Variants in MAP6 observed in about 807,000 individuals in gnomAD.
MAP6 encodes the protein microtubule-associated protein 6.
In MAP6, 26 loss-of-function variants were observed where a neutral mutation model predicts 42.4. That is an observed-to-expected ratio of 0.61 (90% CI 0.45 to 0.85). MAP6 has a LOEUF of 0.85. MAP6 is among the 40% of genes least tolerant of loss of function. MAP6 has a pLI of 0.00. For missense variants in MAP6, 966 were observed against 1,099.0 expected (o/e 0.88, Z 1.71); for synonymous variants, 418 against 443.8 (o/e 0.94, Z 0.73).
intron 3 of MAP6, among the ~76,000 whole-genome samples, chr11:75,602,535 G>A (rs1042324543): frequency 2.0e-5 from 3 of 152,212 alleles, no homozygotes; most frequent in Admixed American, 6.5e-5. Flanking sequence ...CGACAGGAAG[G>A]AGGCAGAGAG....
chr11:75,594,531 C>T (rs780968957), intron 3 of MAP6: 6 of 152,310 alleles, frequency 3.9e-5, no homozygotes, highest in Non-Finnish European at 7.3e-5. Context: ...GGGAGTGTCT[C>T]TTTTAGTAAT....
chr11:75,594,644 T>C (rs1189585207), intron 3 of MAP6: 1 of 152,256 alleles, frequency 6.6e-6, no homozygotes, highest in African/African-American at 2.4e-5. Flanking sequence ...TGGCTCATTG[T>C]AGTACCTGGC....
At chr11:75,610,854 C>T (rs1383231182) in intron 1 of MAP6, among the ~76,000 whole-genome samples, 3 of 151,824 alleles carry the variant, frequency 2.0e-5, no homozygotes, top group East Asian at 1.9e-4. Context: ...GGCTGGGGGG[C>T]GGTAGTCCCC....
intron 3 of MAP6, among the ~76,000 whole-genome samples, chr11:75,592,191 C>T (rs959459001): frequency 2.0e-5 from 3 of 152,148 alleles, no homozygotes; most frequent in Admixed American, 6.5e-5. Flanking sequence ...GGTCTTCCTG[C>T]CTGTGTCTCT....
chr11:75,606,496 T>A (rs904986774), intron 2 of MAP6, among the ~76,000 whole-genome samples: 3 of 152,116 alleles, frequency 2.0e-5, no homozygotes, highest in Non-Finnish European at 2.9e-5. Flanking sequence ...AAGACCCAGA[T>A]GGAGAGGCAA....
At position 75,667,841 on chromosome 11, in the gene MAP6, G is replaced by T. The variant is rs1943986503; in HGVS notation, c.529C>A (p.Pro177Thr). Reference sequence around the variant, plus strand: ...TGGGAGGCCGCAGAGATCTGCACGGGCTTGGGGATCCACGGGTGGTCCCCG... The same window carrying T: ...TGGGAGGCCGCAGAGATCTGCACGGTCTTGGGGATCCACGGGTGGTCCCCG... The part of the protein sequence containing the change: ...RRGDHPWIPK[P>T]VQISAASQAS... Residue 177 changes from proline to threonine, a missense_variant, in exon 1 of 4, where the codon CCC becomes ACC. By Grantham distance (38) the Pro-to-Thr change is conservative. Around this residue, in one of 2 missense-constraint regions of MAP6, gnomAD observed 943 missense variants for 1,049.9 expected, o/e 0.90. Coordinates refer to ENST00000304771, the MANE Select transcript of MAP6 (RefSeq NM_033063.2). This position sits in a 1 kb window ranked among gnomAD's most constrained non-coding sequence, Gnocchi z 5.6. 2 of 1,420,532 alleles carry T rather than the reference G, an allele frequency of 1.4e-6. No individual in the cohort carries two copies. Among genetic ancestry groups the T allele is most frequent in the African/African-American group, 2.9e-5 (2 of 67,894 alleles). 88.0% of individuals were successfully genotyped at this position (1,420,532 alleles called of 1,614,324 possible).
At chr11:75,590,970 G>GA (rs34060915) in intron 3 of MAP6, among the ~76,000 whole-genome samples, 40 of 145,080 alleles carry the variant, frequency 2.8e-4, no homozygotes, top group East Asian at 5.9e-4. Context: ...CTGGCTCCAG[G>GA]AAAAAAAAAA....
intron 3 of MAP6, among the ~76,000 whole-genome samples, chr11:75,591,463 C>T (rs1424391804): frequency 5.3e-5 from 8 of 152,242 alleles, no homozygotes. Flanking sequence ...CTGCCAGTCT[C>T]CCATCTGTAA....
Position 75,667,486 on chromosome 11 carries a change from C to A in MAP6, c.884G>T (p.Ser295Ile). The change falls in exon 1 of 4, where the codon AGT (serine) becomes ATT (isoleucine). Residue 295 changes from serine (S) to isoleucine (I), a missense_variant. Ser to Ile is a moderately radical substitution (Grantham distance 142). This residue lies in a region of MAP6 where 943 missense variants were observed against 1,049.9 expected (regional missense o/e 0.90). Coordinates refer to ENST00000304771, the MANE Select transcript of MAP6 (RefSeq NM_033063.2). The surrounding 1 kb of genome is among the most constrained non-coding windows in gnomAD (Gnocchi z 5.6). Reference sequence around the variant, plus strand: ...TCACCTGTAGGAGCTGCTCACTGCACTCGCCACCTCCTCGCGGATTTGCCG... The same window carrying A: ...TCACCTGTAGGAGCTGCTCACTGCAATCGCCACCTCCTCGCGGATTTGCCG... ...LNRQIREEVA[S>I]AVSSSYRNEF... 6.6e-7 allele frequency: 1 copy of A among 1,509,816 alleles called. No individual in the cohort carries two copies. The highest frequency in any genetic ancestry group is 2.8e-5 in the East Asian group (1 of 36,132). The allele number at this position is 1,509,816 out of a possible 1,614,324, so 93.5% of individuals were successfully genotyped here. A position where few individuals can be genotyped will look rare whatever the true frequency, so the allele number is the denominator to read the frequency against.
At chr11:75,628,953 G>A (rs1943240949) in intron 1 of MAP6, among the ~76,000 whole-genome samples, 1 of 152,200 alleles carries the variant, frequency 6.6e-6, no homozygotes, top group Non-Finnish European at 1.5e-5. Context: ...CTGCAAGATA[G>A]AAGTTACTAC....
chr11:75,603,854 A>C, intron 3 of MAP6: 1 of 985,480 alleles, frequency 1.0e-6, no homozygotes, highest in Non-Finnish European at 1.2e-6. Context: ...TGATTATTCT[A>C]TGGAGAAATC....
chr11:75,659,023 C>T (rs1374769241), intron 1 of MAP6, among the ~76,000 whole-genome samples: 1 of 152,196 alleles, frequency 6.6e-6, no homozygotes, highest in Non-Finnish European at 1.5e-5. Flanking sequence ...GAGCAGGGAC[C>T]ACTTTGTCAT....
chr11:75,624,442 G>T (rs1943162853), intron 1 of MAP6, among the ~76,000 whole-genome samples: 2 of 152,144 alleles, frequency 1.3e-5, no homozygotes, highest in African/African-American at 4.8e-5. Flanking sequence ...GCACAGCCCA[G>T]TAAGGCTGGA....
At chr11:75,646,161 G>A (rs1425559254) in intron 1 of MAP6, among the ~76,000 whole-genome samples, 3 of 152,070 alleles carry the variant, frequency 2.0e-5, no homozygotes, top group Non-Finnish European at 2.9e-5. Context: ...GATTCCATAG[G>A]AAGGAAGGAC....
At chr11:75,651,485 T>G (rs1042374260) in intron 1 of MAP6, among the ~76,000 whole-genome samples, 1 of 152,174 alleles carries the variant, frequency 6.6e-6, no homozygotes, top group African/African-American at 2.4e-5. Context: ...ATGTTGATGA[T>G]CTCACTGTAT....
intron 1 of MAP6, among the ~76,000 whole-genome samples, chr11:75,625,343 T>A (rs1007103671): frequency 1.2e-4 from 19 of 152,282 alleles, no homozygotes; most frequent in African/African-American, 4.6e-4. Flanking sequence ...CAATTAATAT[T>A]TCAAAGGAAG....
At chr11:75,635,010 G>A (rs1943345448) in intron 1 of MAP6, among the ~76,000 whole-genome samples, 1 of 152,178 alleles carries the variant, frequency 6.6e-6, no homozygotes, top group African/African-American at 2.4e-5. Flanking sequence ...CAGGATTTTG[G>A]TTGTTCTGTC....
intron 1 of MAP6, among the ~76,000 whole-genome samples, chr11:75,620,286 A>G (rs1474565313): frequency 6.6e-6 from 1 of 152,082 alleles, no homozygotes; most frequent in African/African-American, 2.4e-5. Flanking sequence ...CCCGGCCAAC[A>G]TGGTGAAATC....
intron 1 of MAP6, among the ~76,000 whole-genome samples, chr11:75,631,100 G>A (rs1943277428): frequency 6.6e-6 from 1 of 152,230 alleles, no homozygotes; most frequent in African/African-American, 2.4e-5. Context: ...AAGGTGGCAT[G>A]CTGTGGGTGC....
Sources: gnomAD v4.1 joint callset for allele counts (sites outside exome capture counted in the v4.1 genomes callset) on GRCh38, gnomAD v4.1.1 for gene constraint, gnomAD v4.1.1 regional missense constraint, Gnocchi (gnomAD v3.1) non-coding constraint, MANE v1.5 for transcripts, NCBI Gene and HGNC (gene_info 2026-07-23, HGNC 2026-07-21) for gene names.